FASTKD1: variants seen among roughly 807,000 people sequenced by gnomAD.
FASTKD1 encodes the protein FAST kinase domains 1, also known as FAST kinase domain-containing protein 1, mitochondrial.
FASTKD1 carries 94 observed loss-of-function variants against 90.9 expected under a neutral mutation model. The observed-to-expected ratio is 1.03, with a 90% CI of 0.88 to 1.23. The LOEUF is 1.23. Ranked by LOEUF, FASTKD1 falls within the 50% of genes most tolerant of loss-of-function variation. FASTKD1 has a pLI of 0.00. For synonymous variants in FASTKD1, 319 were observed against 345.8 expected (o/e 0.92, Z 0.86); for missense variants, 945 against 993.5 (o/e 0.95, Z 0.66).
rs931800162 is a variant in FASTKD1, at chr2:169,571,634, A to G, written c.377+19T>C. 3 of 1,410,594 alleles carry G rather than the reference A, an allele frequency of 2.1e-6. No individual in the cohort carries two copies. In the African/African-American group the frequency reaches 4.4e-5, roughly 21 times the overall value. The allele number at this position is 1,410,594 out of a possible 1,614,324, so 87.4% of individuals were successfully genotyped here. ...AAACTATATAATCATTCCATAAAAT[A>G]TAAAAGTAAATTACTTACTGTTGTG... On this transcript the variant is annotated intron_variant, in intron 2 of 14. Coordinates refer to ENST00000453153, the MANE Select transcript of FASTKD1 (RefSeq NM_024622.6).
intron 9 of FASTKD1, among the ~76,000 whole-genome samples, chr2:169,542,155 A>G (rs1684984320): frequency 6.6e-6 from 1 of 152,198 alleles, no homozygotes; most frequent in Admixed American, 6.5e-5. Context: ...ATCTGACCTT[A>G]GAGCCTTGTT....
intron 12 of FASTKD1, among the ~76,000 whole-genome samples, chr2:169,534,183 CAAAAAAAAAAAA>C (rs71003097): frequency 1.5e-3 from 68 of 46,324 alleles, no homozygotes; most frequent in African/African-American, 5.1e-3. Flanking sequence ...GACCCTTTCT[CAAAAAAAAAAAA>C]AAAAAAAAAA....
chr2:169,531,850 A>G (rs975288924), intron 12 of FASTKD1, among the ~76,000 whole-genome samples: 1 of 152,268 alleles, frequency 6.6e-6, no homozygotes, highest in Non-Finnish European at 1.5e-5. Context: ...AGAAAAAGAT[A>G]CAAGCATTTA....
rs777321484 is a variant in FASTKD1, at chr2:169,560,628, G to C, written c.730C>G (p.Arg244Gly). The change falls in exon 5 of 15, where the codon CGT (arginine) becomes GGT (glycine). Residue 244 changes from arginine to glycine, a missense_variant. Physicochemically the swap from Arg to Gly is moderately radical, Grantham distance 125. Transcript: ENST00000453153. ...IAKFLRNVRY[R>G]YQPLLERCNN... is the part of the protein sequence containing the mutation. ...CATCTTTCTAATAGTGGTTGATAAC[G>C]ATATCTAACATTTCGAAGAAACTTT... The C allele has an allele frequency of 1.2e-6, 2 of 1,612,550 alleles. No homozygotes were observed. The highest frequency in any genetic ancestry group is 3.3e-5 in the Admixed American group (2 of 59,790).
chr2:169,572,431 C>T (rs1248869956), intron 1 of FASTKD1, among the ~76,000 whole-genome samples: 1 of 151,816 alleles, frequency 6.6e-6, no homozygotes, highest in African/African-American at 2.4e-5. Context: ...AGCCCACAAA[C>T]TCAGAGCTGT....
chr2:169,546,171 A>G (rs1685180674), intron 8 of FASTKD1, 47 bp downstream of exon 8: 25 of 1,495,796 alleles, frequency 1.7e-5, no homozygotes, highest in Non-Finnish European at 2.2e-5. Context: ...TTATGCTTGC[A>G]GAAGTTGACA....
chr2:169,549,160 C>T (rs1288878998), intron 7 of FASTKD1, among the ~76,000 whole-genome samples: 2 of 151,720 alleles, frequency 1.3e-5, no homozygotes, highest in African/African-American at 4.8e-5. Context: ...TTTGGGAGGC[C>T]GAGGTGGGCG....
At chr2:169,551,576 T>A (rs1685490856) in intron 7 of FASTKD1, among the ~76,000 whole-genome samples, 1 of 152,064 alleles carries the variant, frequency 6.6e-6, no homozygotes, top group Non-Finnish European at 1.5e-5. Context: ...GCAGGCAGAT[T>A]ACTTGAGCAC....
At chr2:169,549,473 A>T (rs532044821) in intron 7 of FASTKD1, among the ~76,000 whole-genome samples, 8 of 152,202 alleles carry the variant, frequency 5.3e-5, no homozygotes, top group African/African-American at 1.4e-4. Flanking sequence ...TTTTAAATTA[A>T]TTTTTTTCTG....
intron 13 of FASTKD1, 45 bp downstream of exon 13, chr2:169,531,307 T>A: frequency 6.3e-7 from 1 of 1,589,922 alleles, no homozygotes. Context: ...ACACCAAATT[T>A]AACATTTAGA....
At chr2:169,555,051 G>T in intron 7 of FASTKD1, 73 bp downstream of exon 7, 1 of 1,432,294 alleles carries the variant, frequency 7.0e-7, no homozygotes, top group Non-Finnish European at 9.5e-7. Flanking sequence ...TAGCACCACT[G>T]TACATAGTTA....
intron 6 of FASTKD1, among the ~76,000 whole-genome samples, chr2:169,556,624 G>T (rs1421353710): frequency 1.3e-5 from 2 of 152,038 alleles, no homozygotes. Context: ...AGGAGCTCCA[G>T]ACCAGCCTGG....
intron 13 of FASTKD1, 106 bp from the exon 14 acceptor site, chr2:169,530,807 A>G (rs1684447825): frequency 1.2e-5 from 8 of 658,370 alleles, no homozygotes; most frequent in Admixed American, 5.7e-5. Flanking sequence ...ACAAAAGCCA[A>G]TGAATATAAA....
rs768254123 is a variant in FASTKD1, at chr2:169,571,969, T to A, written c.61A>T (p.Ile21Phe). The A allele has an allele frequency of 1.9e-6, 3 of 1,613,608 alleles. No individual in the cohort carries two copies. Among genetic ancestry groups the A allele is most frequent in the Non-Finnish European group, 2.5e-6 (3 of 1,179,812 alleles). Residue 21 changes from isoleucine (I) to phenylalanine (F), a missense_variant, in exon 2 of 15, where the codon ATT (isoleucine) becomes TTT (phenylalanine). Physicochemically the swap from Ile to Phe is conservative, Grantham distance 21. Coordinates refer to ENST00000453153, the MANE Select transcript of FASTKD1 (RefSeq NM_024622.6). ...AACACTCTCCAGGAGAATGGACAAA[T>A]AGCTCTTAGACGAAGCATATTTGTA... ...LVTNMLRLRA[I>F]CPFSWRVFQF... is the part of the protein sequence containing the mutation.
At chr2:169,552,625 A>G (rs796288716) in intron 7 of FASTKD1, among the ~76,000 whole-genome samples, 29 of 152,310 alleles carry the variant, frequency 1.9e-4, no homozygotes, top group African/African-American at 7.0e-4. Context: ...CCATTATACT[A>G]AGTGAAGTAA....
intron 8 of FASTKD1, among the ~76,000 whole-genome samples, chr2:169,545,207 A>G (rs1685136980): frequency 6.6e-6 from 1 of 152,194 alleles, no homozygotes; most frequent in South Asian, 2.1e-4. Context: ...CAACATAGTG[A>G]GACCCTGTCT....
rs370119716 is a variant in FASTKD1 at position 169,555,568 on chromosome 2, A to C, written c.1083-313T>G. Among the ~76,000 whole-genome samples the C allele has an allele frequency of 2.4e-4, 36 of 152,320 alleles. No individual in the cohort carries two copies. In the South Asian group the frequency reaches 6.6e-3, roughly 28 times the overall value. The stretch of plus-strand genomic sequence containing the variant: ...CATCAACTTCCACATCCTCCCCATA[A>C]CAAAATCTTTACCAAGAGTTACCAA... On this transcript the variant is annotated intron_variant, in intron 6 of 14. Coordinates refer to ENST00000453153, the MANE Select transcript of FASTKD1 (RefSeq NM_024622.6).
intron 10 of FASTKD1, among the ~76,000 whole-genome samples, chr2:169,539,610 A>G (rs1559140939): frequency 6.6e-6 from 1 of 151,972 alleles, no homozygotes; most frequent in Non-Finnish European, 1.5e-5. Flanking sequence ...TCTTAAAAAA[A>G]AAAAATTAGC....
chr2:169,556,956 G>A (rs1683345913), intron 6 of FASTKD1, among the ~76,000 whole-genome samples: 1 of 151,928 alleles, frequency 6.6e-6, no homozygotes, highest in Admixed American at 6.6e-5. Context: ...GCAGTAAGCA[G>A]AGATAGTGCC....
Sources: allele counts gnomAD v4.1 joint callset (sites outside exome capture counted in the v4.1 genomes callset), GRCh38; gene constraint gnomAD v4.1.1; transcripts MANE v1.5; gene names NCBI Gene and HGNC (gene_info 2026-07-23, HGNC 2026-07-21).